The following GPC5 variants were observed in gnomAD, a reference collection of about 807,000 sequenced individuals.
The protein encoded by GPC5 is glypican-5.
GPC5 carries 47 observed loss-of-function variants against 53.9 expected under a neutral mutation model. That is an observed-to-expected ratio of 0.87 (90% CI 0.69 to 1.11). The LOEUF (loss-of-function observed/expected upper bound fraction) is 1.11, where lower values mean the gene tolerates loss of function less well. Ranked by LOEUF, GPC5 falls within the 50% of genes most tolerant of loss-of-function variation. The pLI is 0.00. For synonymous variants in GPC5, 286 were observed against 263.3 expected (o/e 1.09, Z -0.84); for missense variants, 748 against 713.1 (o/e 1.05, Z -0.56).
chr13:91,826,617 T>C (rs1199134842), intron 5 of GPC5, among the ~76,000 whole-genome samples: 1 of 152,068 alleles, frequency 6.6e-6, no homozygotes, highest in Non-Finnish European at 1.5e-5. Flanking sequence ...AATTGAAGTA[T>C]TTACACTATT....
At chr13:92,582,332 T>G (rs1883398633) in intron 7 of GPC5, among the ~76,000 whole-genome samples, 1 of 151,422 alleles carries the variant, frequency 6.6e-6, no homozygotes, top group African/African-American at 2.5e-5. Flanking sequence ...TTTTGGTACC[T>G]TTATTGAAAA....
intron 2 of GPC5, among the ~76,000 whole-genome samples, chr13:91,692,596 T>C (rs1237043541): frequency 6.6e-6 from 1 of 152,226 alleles, no homozygotes; most frequent in Non-Finnish European, 1.5e-5. Context: ...TATGAATGAC[T>C]ATAGAATAAA....
intron 7 of GPC5, among the ~76,000 whole-genome samples, chr13:92,681,744 CATACTTAA>C (rs1286858380): frequency 6.6e-6 from 1 of 152,170 alleles, no homozygotes; most frequent in Non-Finnish European, 1.5e-5. Flanking sequence ...TTCATCTCTT[CATACTTAA>C]ATTTTTTCCT....
chr13:92,245,666 G>T (rs73627798), intron 7 of GPC5, among the ~76,000 whole-genome samples: 11,004 of 152,086 alleles, frequency 0.072, 1,354 homozygotes, highest in African/African-American at 0.25. Flanking sequence ...TAGCTGTAGA[G>T]TTTGACATAG....
intron 6 of GPC5, among the ~76,000 whole-genome samples, chr13:92,126,137 TAG>T (rs1326233145): frequency 6.6e-6 from 1 of 151,822 alleles, no homozygotes; most frequent in Non-Finnish European, 1.5e-5. Flanking sequence ...GTATTTTTAG[TAG>T]AGACAGGGTT....
chr13:92,215,015 A>G (rs1056653368), intron 7 of GPC5, among the ~76,000 whole-genome samples: 22 of 152,146 alleles, frequency 1.4e-4, no homozygotes, highest in African/African-American at 5.1e-4. Flanking sequence ...TCATCTCCAC[A>G]CCCAATGAGA....
chr13:91,649,633 G>A (rs939011259), intron 2 of GPC5, among the ~76,000 whole-genome samples: 6 of 152,140 alleles, frequency 3.9e-5, no homozygotes, highest in African/African-American at 1.4e-4. Context: ...GTGTTGTTCC[G>A]TCCACAGCAT....
intron 7 of GPC5, among the ~76,000 whole-genome samples, chr13:92,477,291 T>A (rs905712912): frequency 1.2e-4 from 18 of 152,100 alleles, no homozygotes; most frequent in African/African-American, 3.4e-4. Flanking sequence ...CACATAACCT[T>A]ATTCCATTTC....
Position 92,217,851 on chromosome 13 carries a change from A to C in GPC5, c.1561+72862A>C, listed in dbSNP as rs544887839. ...CCTAATATGCCATAATACAACATGG[A>C]GAACACATACAATAAATATTTTATA... On this transcript the variant is annotated intron_variant, in intron 7 of 7. Coordinates refer to ENST00000377067, the MANE Select transcript of GPC5 (RefSeq NM_004466.6). Among the ~76,000 whole-genome samples, 52 of 151,520 alleles carry C rather than the reference A, an allele frequency of 3.4e-4. 1 individual carries two copies. The highest frequency in any genetic ancestry group is 1.2e-3 in the African/African-American group (50 of 41,298).
chr13:91,998,990 T>G (rs751747701), intron 6 of GPC5, among the ~76,000 whole-genome samples: 11 of 152,176 alleles, frequency 7.2e-5, no homozygotes, highest in Non-Finnish European at 1.3e-4. Flanking sequence ...TAGCAGAACT[T>G]CAATAAAAAA....
chr13:92,242,232 CAAAAA>C (rs752173365), intron 7 of GPC5, among the ~76,000 whole-genome samples: 1 of 81,876 alleles, frequency 1.2e-5, no homozygotes, highest in African/African-American at 3.8e-5. Flanking sequence ...GACTCTGTCT[CAAAAA>C]AAAAAAAAAA....
intron 7 of GPC5, among the ~76,000 whole-genome samples, chr13:92,780,202 CTTCTT>C (rs1327116228): frequency 6.6e-6 from 1 of 151,788 alleles, no homozygotes; most frequent in African/African-American, 2.4e-5. Flanking sequence ...ATTTAAAACT[CTTCTT>C]AGTAAAATAC....
intron 7 of GPC5, among the ~76,000 whole-genome samples, chr13:92,367,765 A>G (rs1349787320): frequency 1.3e-5 from 2 of 152,200 alleles, no homozygotes; most frequent in African/African-American, 2.4e-5. Context: ...TTGTAAGGCA[A>G]TTTTGTGAAA....
chr13:92,038,536 A>G (rs578040982), intron 6 of GPC5, among the ~76,000 whole-genome samples: 1 of 150,048 alleles, frequency 6.7e-6, no homozygotes, highest in African/African-American at 2.4e-5. Flanking sequence ...AATAAACTAT[A>G]TATATTCCTA....
At chr13:92,709,888 A>C (rs1888076929) in intron 7 of GPC5, among the ~76,000 whole-genome samples, 4 of 152,202 alleles carry the variant, frequency 2.6e-5, no homozygotes, top group Admixed American at 2.6e-4. Context: ...TCTTGGCCAT[A>C]GCTCCTCTTC....
chr13:91,433,358 AC>A (rs1879649177), intron 1 of GPC5, among the ~76,000 whole-genome samples: 1 of 53,456 alleles, frequency 1.9e-5, no homozygotes, highest in Admixed American at 2.1e-4. Context: ...CCCTCCCCCC[AC>A]CCCACAACAG....
chr13:91,671,753 A>T (rs1053779103), intron 2 of GPC5, among the ~76,000 whole-genome samples: 1 of 123,600 alleles, frequency 8.1e-6, no homozygotes, highest in Non-Finnish European at 1.7e-5. Flanking sequence ...ATCAAAGAAG[A>T]CCCTGTATAG....
chr13:92,241,706 A>G (rs1181228674), intron 7 of GPC5: 3 of 152,206 alleles, frequency 2.0e-5, no homozygotes, highest in Admixed American at 1.3e-4. Flanking sequence ...TGGAAAATAC[A>G]TATGTCTTTG....
chr13:91,704,885 T>C (rs1310948716), intron 3 of GPC5, among the ~76,000 whole-genome samples: 8 of 152,194 alleles, frequency 5.3e-5, no homozygotes, highest in Admixed American at 5.2e-4. Context: ...AGTTCTACAG[T>C]GGAGGAATGC....
Sources: allele counts gnomAD v4.1 joint callset (sites outside exome capture counted in the v4.1 genomes callset), GRCh38; gene constraint gnomAD v4.1.1; transcripts MANE v1.5; gene names NCBI Gene and HGNC (gene_info 2026-07-23, HGNC 2026-07-21).